GASK1A: variants seen among roughly 807,000 people sequenced by gnomAD.
GASK1A encodes golgi associated kinase 1A, also known as Golgi-associated kinase 1A.
A neutral mutation model predicts 41.2 loss-of-function variants in GASK1A; 40 were observed. The ratio of observed to expected loss-of-function variants is 0.97; its 90% confidence interval spans 0.75 to 1.27. The LOEUF is 1.27. Ranked by LOEUF, GASK1A falls within the 50% of genes most tolerant of loss-of-function variation. The pLI is 0.00. For missense variants in GASK1A, 678 were observed against 745.1 expected, an observed-to-expected ratio of 0.91 and a Z score of 1.05; for synonymous variants, 316 against 307.1, an observed-to-expected ratio of 1.03 and a Z score of -0.30.
rs557007733 is a variant in GASK1A at position 43,032,279 on chromosome 3, C to T, written c.16C>T (p.Arg6Trp). 1.3e-5 allele frequency: 20 copies of T among 1,522,808 alleles called. No individual in the cohort carries two copies. The highest frequency in any genetic ancestry group is 4.0e-5 in the Admixed American group (2 of 49,582). The allele number at this position is 1,522,808 out of a possible 1,614,324, so 94.3% of individuals were successfully genotyped here. Residue 6 changes from arginine (R) to tryptophan (W), a missense_variant, in exon 2 of 5, where the codon CGG (arginine) becomes TGG (tryptophan). Transcript: ENST00000430121. MASWLRRKLRGKRRPV... is the reference protein window; with the variant it reads MASWLWRKLRGKRRPV... ...CCCTGTCTCTCAGGCGTCTTGGCTC[C>T]GGAGAAAGCTGCGTGGCAAGAGGCG...
At chr3:43,040,537 TATAGAGAGC>T (rs1376663552) in intron 2 of GASK1A, among the ~76,000 whole-genome samples, 5 of 152,134 alleles carry the variant, frequency 3.3e-5, no homozygotes, top group Non-Finnish European at 7.4e-5. Flanking sequence ...TGTGGATTAA[TATAGAGAGC>T]ATTTACACCC....
intron 1 of GASK1A, among the ~76,000 whole-genome samples, chr3:43,029,015 A>AG (rs1396646222): frequency 6.6e-6 from 1 of 151,872 alleles, no homozygotes; most frequent in South Asian, 2.1e-4. Context: ...GTGTCAGGTG[A>AG]GGGGGGAAGA....
chr3:42,995,569 C>T (rs1381130936), intron 1 of GASK1A, among the ~76,000 whole-genome samples: 1 of 152,212 alleles, frequency 6.6e-6, no homozygotes, highest in Admixed American at 6.5e-5. Flanking sequence ...TCCTCTAGGT[C>T]TAATCCTGTA....
At chr3:43,005,800 C>T (rs1575439005) in intron 1 of GASK1A, among the ~76,000 whole-genome samples, 1 of 152,190 alleles carries the variant, frequency 6.6e-6, no homozygotes, top group Admixed American at 6.5e-5. Context: ...TGCTGCTGCA[C>T]CTCAAACTGT....
chr3:43,047,188 G>C (rs1312791612), intron 2 of GASK1A, among the ~76,000 whole-genome samples: 1 of 152,324 alleles, frequency 6.6e-6, no homozygotes, highest in South Asian at 2.1e-4. Flanking sequence ...CTGTGCACCT[G>C]GAAAAGCTGC....
chr3:42,999,727 T>G (rs2089398589), intron 1 of GASK1A, among the ~76,000 whole-genome samples: 2 of 152,234 alleles, frequency 1.3e-5, no homozygotes, highest in Admixed American at 6.5e-5. Flanking sequence ...AAATTTGTTC[T>G]CTATAGCTCT....
intron 1 of GASK1A, among the ~76,000 whole-genome samples, chr3:43,017,859 A>G (rs2089501293): frequency 6.6e-6 from 1 of 151,878 alleles, no homozygotes; most frequent in Non-Finnish European, 1.5e-5. Context: ...GTGAAGCCAC[A>G]GGAAGGGCCA....
rs1412511503 is a variant in GASK1A at position 43,016,130 on chromosome 3, G to A, written c.4-16137G>A. Among the ~76,000 whole-genome samples the A allele has an allele frequency of 1.3e-5, 2 of 151,880 alleles. 1 individual carries two copies. The highest frequency in any genetic ancestry group is 2.9e-5 in the Non-Finnish European group (2 of 67,950). On this transcript the variant is annotated intron_variant, in intron 1 of 4. Transcript: ENST00000430121. Reference sequence around the variant, plus strand: ...AGGGGCTGTGTGAAGCCCCGGGAAGGGGCATAGGAAGTCACAGGAAGTGGC... The same window carrying A: ...AGGGGCTGTGTGAAGCCCCGGGAAGAGGCATAGGAAGTCACAGGAAGTGGC...
At chr3:43,028,001 G>A (rs903869933) in intron 1 of GASK1A, among the ~76,000 whole-genome samples, 4 of 152,346 alleles carry the variant, frequency 2.6e-5, no homozygotes, top group Admixed American at 2.0e-4. Context: ...ACAACTGGAA[G>A]CAGGGGTTCC....
intron 1 of GASK1A, among the ~76,000 whole-genome samples, chr3:43,013,462 G>C (rs1372328020): frequency 6.6e-6 from 1 of 151,474 alleles, no homozygotes; most frequent in Non-Finnish European, 1.5e-5. Context: ...GCAGTGGGAA[G>C]TAACAGCAAG....
intron 1 of GASK1A, among the ~76,000 whole-genome samples, chr3:43,009,272 C>G (rs1321709186): frequency 6.6e-6 from 1 of 152,180 alleles, no homozygotes; most frequent in African/African-American, 2.4e-5. Context: ...AAAGATAACA[C>G]AACTCATCAT....
intron 2 of GASK1A, among the ~76,000 whole-genome samples, chr3:43,039,830 C>T (rs1234334625): frequency 1.3e-5 from 2 of 152,102 alleles, no homozygotes; most frequent in Admixed American, 1.3e-4. Flanking sequence ...GGATTATGGC[C>T]TCCAGCTCCA....
chr3:43,010,770 C>T (rs931279215), intron 1 of GASK1A, among the ~76,000 whole-genome samples: 1 of 152,200 alleles, frequency 6.6e-6, no homozygotes, highest in Non-Finnish European at 1.5e-5. Context: ...GCCATTTGTT[C>T]TCCAAGGAAG....
intron 2 of GASK1A, among the ~76,000 whole-genome samples, chr3:43,039,845 T>C (rs2089626793): frequency 6.6e-6 from 1 of 152,222 alleles, no homozygotes; most frequent in South Asian, 2.1e-4. Flanking sequence ...GCTCCATCCA[T>C]GTTCTTTGCC....
intron 2 of GASK1A, among the ~76,000 whole-genome samples, chr3:43,050,620 C>T (rs2089684532): frequency 6.6e-6 from 1 of 152,048 alleles, no homozygotes; most frequent in African/African-American, 2.4e-5. Flanking sequence ...ATCATCCTCC[C>T]TTCCTTTTAA....
chr3:42,988,310 C>T (rs1162521927), intron 1 of GASK1A, among the ~76,000 whole-genome samples: 2 of 152,186 alleles, frequency 1.3e-5, no homozygotes, highest in Admixed American at 6.5e-5. Flanking sequence ...TTTTGTTTGG[C>T]TTTTGAGGGT....
intron 1 of GASK1A, among the ~76,000 whole-genome samples, chr3:43,000,581 G>A (rs1429204711): frequency 6.6e-6 from 1 of 152,248 alleles, no homozygotes; most frequent in Non-Finnish European, 1.5e-5. Flanking sequence ...ATCAGAAGGC[G>A]AACATTCCCT....
At chr3:42,981,647 G>T (rs1467038708) in intron 1 of GASK1A, among the ~76,000 whole-genome samples, 1 of 152,174 alleles carries the variant, frequency 6.6e-6, no homozygotes, top group Non-Finnish European at 1.5e-5. Context: ...CTCTGCAAGT[G>T]AGCCCAGTGT....
At chr3:43,048,373 T>C (rs1376389721) in intron 2 of GASK1A, among the ~76,000 whole-genome samples, 2 of 152,140 alleles carry the variant, frequency 1.3e-5, no homozygotes, top group Non-Finnish European at 1.5e-5. Flanking sequence ...GTGACAGCAA[T>C]AGAGACCATG....
Sources: allele counts gnomAD v4.1 joint callset (sites outside exome capture counted in the v4.1 genomes callset), GRCh38; gene constraint gnomAD v4.1.1; transcripts MANE v1.5; gene names NCBI Gene and HGNC (gene_info 2026-07-23, HGNC 2026-07-21).